HACD4: variants seen among roughly 807,000 people sequenced by gnomAD.
The protein encoded by HACD4 is 3-hydroxyacyl-CoA dehydratase 4.
Under a neutral mutation model 33.3 loss-of-function variants are expected in HACD4, and 35 were observed. The observed-to-expected ratio is 1.05, with a 90% CI of 0.80 to 1.39. HACD4 has a LOEUF of 1.39. Ranked by LOEUF, HACD4 falls within the 40% of genes most tolerant of loss-of-function variation. HACD4 has a pLI of 0.00. For missense variants in HACD4, 323 were observed against 276.5 expected, an observed-to-expected ratio of 1.17 and a Z score of -1.19; for synonymous variants, 118 against 98.0, an observed-to-expected ratio of 1.20 and a Z score of -1.21.
intron 5 of HACD4, among the ~76,000 whole-genome samples, chr9:21,009,355 T>C (rs1371176490): frequency 1.2e-4 from 19 of 152,156 alleles, no homozygotes; most frequent in Non-Finnish European, 2.9e-5. Flanking sequence ...AATAAGTTTA[T>C]GAAGTTAATA....
Position 21,024,867 on chromosome 9 carries a change from C to T in HACD4, c.270+1729G>A, listed in dbSNP as rs1587839034. The stretch of plus-strand genomic sequence containing the variant: ...GATTTTAAATGAATTTAGTCATACT[C>T]CAAGCAAAATCATTCCAGATGATAG... On this transcript the variant is annotated intron_variant, in intron 3 of 6. Coordinates refer to ENST00000495827, the MANE Select transcript of HACD4 (RefSeq NM_001010915.5). Among the ~76,000 whole-genome samples, 4 of 152,280 alleles carry T rather than the reference C, an allele frequency of 2.6e-5. No homozygotes were observed. The South Asian group carries it at 8.3e-4, about 32-fold the overall frequency.
intron 3 of HACD4, among the ~76,000 whole-genome samples, chr9:21,023,141 T>C (rs576449966): frequency 7.0e-6 from 1 of 142,852 alleles, no homozygotes; most frequent in East Asian, 2.1e-4. Flanking sequence ...CACCACATGT[T>C]CTCCCTCACA....
At chr9:21,011,541 T>A (rs775064945) in intron 5 of HACD4, 48 bp downstream of exon 5, 5 of 1,126,808 alleles carry the variant, frequency 4.4e-6, no homozygotes, top group Non-Finnish European at 5.4e-6. Context: ...CCATTATAAC[T>A]AGATGGCTTT....
intron 3 of HACD4, among the ~76,000 whole-genome samples, chr9:21,023,046 T>G (rs962588905): frequency 5.3e-5 from 8 of 152,090 alleles, no homozygotes; most frequent in African/African-American, 1.7e-4. Flanking sequence ...CCATAAAAAA[T>G]GATGAGTTCA....
In HACD4 at chr9:21,003,340, G is replaced by GTGAT. The variant is rs1381263247; in HGVS notation, c.*3693_*3696dup. ...TTTCTCTAATTTTCTCTTTGTTTTA[G>GTGAT]TGATTGATTGTACATGTACTTCGGC... On this transcript the variant is annotated 3_prime_UTR_variant, in exon 7 of 7. Coordinates refer to ENST00000495827, the MANE Select transcript of HACD4 (RefSeq NM_001010915.5). 1.3e-5 allele frequency: 2 copies of GTGAT among 152,032 alleles called. No homozygotes were observed. Among genetic ancestry groups the GTGAT allele is most frequent in the African/African-American group, 4.8e-5 (2 of 41,494 alleles). 9.4% of individuals were successfully genotyped at this position (152,032 alleles called of 1,614,324 possible).
chr9:21,015,743 A>G, intron 4 of HACD4, 155 bp downstream of exon 4: 6 of 515,970 alleles, frequency 1.2e-5, no homozygotes, highest in Admixed American at 3.6e-5. Context: ...CATTATGGAG[A>G]ACACTAAAAA....
chr9:21,022,742 A>T (rs1178752269), intron 3 of HACD4, among the ~76,000 whole-genome samples: 1 of 151,520 alleles, frequency 6.6e-6, no homozygotes, highest in East Asian at 1.9e-4. Flanking sequence ...GGATGTGGAG[A>T]AATAGGAACA....
chr9:21,031,025 TA>T (rs1305717986), intron 1 of HACD4, among the ~76,000 whole-genome samples: 1 of 152,188 alleles, frequency 6.6e-6, no homozygotes, highest in Non-Finnish European at 1.5e-5. Context: ...TCCTCCCCTA[TA>T]AAGGCAGGAA....
At chr9:21,028,592 T>A (rs1159666610) in intron 2 of HACD4, among the ~76,000 whole-genome samples, 2 of 152,168 alleles carry the variant, frequency 1.3e-5, no homozygotes, top group Non-Finnish European at 2.9e-5. Flanking sequence ...TAAACATTTG[T>A]TTTTAGCTGA....
chr9:21,011,456 T>C (rs1842432574), intron 5 of HACD4, 133 bp downstream of exon 5: 1 of 656,732 alleles, frequency 1.5e-6, no homozygotes, highest in South Asian at 1.7e-5. Context: ...TCAAGGGAAA[T>C]ATGCCAGTAA....
chr9:21,014,755 A>G (rs1320463825), intron 4 of HACD4, among the ~76,000 whole-genome samples: 3 of 152,234 alleles, frequency 2.0e-5, no homozygotes, highest in Non-Finnish European at 2.9e-5. Flanking sequence ...AGGTTAAGTG[A>G]TTTGCCCAAC....
At position 21,004,349 on chromosome 9, in the gene HACD4, A is replaced by G. The variant is rs1046100382; in HGVS notation, c.*2688T>C. 2.6e-5 allele frequency: 4 copies of G among 152,172 alleles called. No individual in the cohort carries two copies. Among genetic ancestry groups the G allele is most frequent in the Non-Finnish European group, 4.4e-5 (3 of 68,042 alleles). 9.4% of individuals were successfully genotyped at this position (152,172 alleles called of 1,614,324 possible). A position where few individuals can be genotyped will look rare whatever the true frequency, so the allele number is the denominator to read the frequency against. ...CATCAAAGCCCAAATAACTTACAAG[A>G]TGTTAACAAATACATGACATTAATG... On this transcript the variant is annotated 3_prime_UTR_variant, in exon 7 of 7. Transcript: ENST00000495827. The surrounding 1 kb of genome is among the most constrained non-coding windows in gnomAD (Gnocchi z 4.6).
At chr9:21,013,822 A>G (rs1403539633) in intron 4 of HACD4, among the ~76,000 whole-genome samples, 3 of 152,194 alleles carry the variant, frequency 2.0e-5, no homozygotes, top group African/African-American at 7.2e-5. Flanking sequence ...AAAATAATTC[A>G]TTTTTACATA....
intron 4 of HACD4, among the ~76,000 whole-genome samples, chr9:21,013,369 T>G (rs1422875263): frequency 6.6e-6 from 1 of 152,234 alleles, no homozygotes; most frequent in Non-Finnish European, 1.5e-5. Flanking sequence ...TTATCAATTT[T>G]ATTCCATGAT....
intron 5 of HACD4, among the ~76,000 whole-genome samples, 158 bp downstream of exon 5, chr9:21,011,431 C>A (rs1842431763): frequency 6.6e-6 from 1 of 152,202 alleles, no homozygotes; most frequent in African/African-American, 2.4e-5. Flanking sequence ...CCCTCTTCAA[C>A]TTTGCCTCTT....
rs1031754896 is a variant in HACD4 at position 21,002,349 on chromosome 9, A to C, written c.*4688T>G. Reference sequence around the variant, plus strand: ...TATGTAGAAAACAAATAGCAAAATGACAGGAGTAAGTCCCTCCTTATCAGT... The same window carrying C: ...TATGTAGAAAACAAATAGCAAAATGCCAGGAGTAAGTCCCTCCTTATCAGT... On this transcript the variant is annotated 3_prime_UTR_variant, in exon 7 of 7. Coordinates refer to ENST00000495827, the MANE Select transcript of HACD4 (RefSeq NM_001010915.5). 2 of 152,160 alleles carry C rather than the reference A, an allele frequency of 1.3e-5. No individual in the cohort carries two copies. Among genetic ancestry groups the C allele is most frequent in the African/African-American group, 2.4e-5 (1 of 41,454 alleles). The allele number at this position is 152,160 out of a possible 1,614,324, so 9.4% of individuals were successfully genotyped here. A position where few individuals can be genotyped will look rare whatever the true frequency, so the allele number is the denominator to read the frequency against.
At chr9:21,031,473 C>A in intron 1 of HACD4, 80 bp downstream of exon 1, 4 of 1,362,240 alleles carry the variant, frequency 2.9e-6, no homozygotes, top group Non-Finnish European at 3.8e-6. Context: ...GCCGCCCGCC[C>A]GCCCGCCGCA....
chr9:21,018,495 C>A (rs1294215857), intron 3 of HACD4, among the ~76,000 whole-genome samples: 5 of 152,138 alleles, frequency 3.3e-5, no homozygotes, highest in Non-Finnish European at 7.4e-5. Flanking sequence ...AAAAATTAAG[C>A]CTTAAAACAA....
intron 6 of HACD4, 113 bp from the exon 7 acceptor site, chr9:21,007,232 G>T: frequency 1.5e-6 from 1 of 672,584 alleles, no homozygotes. Context: ...GAAGACACTT[G>T]CAAGGGAGAT....
Sources: allele counts gnomAD v4.1 joint callset (sites outside exome capture counted in the v4.1 genomes callset), GRCh38; gene constraint gnomAD v4.1.1; non-coding constraint Gnocchi (gnomAD v3.1); transcripts MANE v1.5; gene names NCBI Gene and HGNC (gene_info 2026-07-23, HGNC 2026-07-21).